Variants in SFTPD observed in about 807,000 individuals in gnomAD.
SFTPD encodes the protein surfactant protein D.
In SFTPD, 18 loss-of-function variants were observed where a neutral mutation model predicts 34.6. The observed-to-expected ratio is 0.52, with a 90% CI of 0.36 to 0.77. The LOEUF (loss-of-function observed/expected upper bound fraction) is 0.77, where lower values mean the gene tolerates loss of function less well. SFTPD is among the 30% of genes least tolerant of loss of function. The pLI, the probability that SFTPD is intolerant of heterozygous loss-of-function variation, is 0.00. For missense variants in SFTPD, 433 were observed against 468.9 expected (o/e 0.92, Z 0.71); for synonymous variants, 155 against 180.9 (o/e 0.86, Z 1.15).
upstream of SFTPD, chr10:79,950,166 A>G (rs1002066260): frequency 6.6e-6 from 1 of 152,264 alleles, no homozygotes; most frequent in Non-Finnish European, 1.5e-5. Flanking sequence ...TTTAAGTGGA[A>G]CATTTACTCC....
At chr10:79,971,295 A>G (rs1464896159) in intron 1 of SFTPD, 2 of 152,168 alleles carry the variant, frequency 1.3e-5, no homozygotes, top group Non-Finnish European at 2.9e-5. Flanking sequence ...ATCTCTGTTC[A>G]TCAGAAATAC....
chr10:79,938,310 C>T lies in SFTPD; in HGVS notation c.752-82G>A, dbSNP rs1365896298. The T allele has an allele frequency of 2.2e-6, 3 of 1,336,314 alleles. No individual in the cohort carries two copies. The African/African-American group carries it at 4.4e-5, about 20-fold the overall frequency. 82.8% of individuals were successfully genotyped at this position (1,336,314 alleles called of 1,614,324 possible). ...GGCTGTGAGACCTCTGTGCTCCAAC[C>T]TGAGCCTTTCAGACCTCCCAAACAG... On this transcript the variant is annotated intron_variant, in intron 7 of 7. Transcript: ENST00000372292.
At chr10:79,980,156 C>T (rs935771881) in intron 1 of SFTPD, among the ~76,000 whole-genome samples, 1 of 152,164 alleles carries the variant, frequency 6.6e-6, no homozygotes, top group Non-Finnish European at 1.5e-5. Context: ...TTGGATGAGA[C>T]TCAGTACCTT....
At chr10:79,980,676 G>T (rs1311631662) in intron 1 of SFTPD, among the ~76,000 whole-genome samples, 1 of 152,202 alleles carries the variant, frequency 6.6e-6, no homozygotes, top group Non-Finnish European at 1.5e-5. Context: ...GAGACTGTCT[G>T]GTAATCCAGG....
intron 1 of SFTPD, among the ~76,000 whole-genome samples, chr10:79,978,678 G>T (rs970361334): frequency 2.3e-5 from 3 of 132,680 alleles, no homozygotes; most frequent in African/African-American, 8.2e-5. Flanking sequence ...AAAAAAAAAA[G>T]GTATAGAATG....
chr10:79,938,055 C>T lies in SFTPD; in HGVS notation c.925G>A (p.Glu309Lys), dbSNP rs4469829. 12,041 of 1,614,052 alleles carry T rather than the reference C, an allele frequency of 7.5e-3. 620 individuals are homozygous for T. The African/African-American group carries it at 0.13, about 17-fold the overall frequency. ...TCAGTCATGCTCAGGAAAGCAGCCT[C>T]GTTCTTAGCTACGACCAGCTGTTGC... ...ALQQLVVAKN[E>K]AAFLSMTDSK... The change falls in exon 8 of 8, where the codon GAG becomes AAG. Residue 309 changes from glutamate (E) to lysine (K), a missense_variant. Physicochemically the swap from Glu to Lys is moderately conservative, Grantham distance 56. Coordinates refer to ENST00000372292, the MANE Select transcript of SFTPD (RefSeq NM_003019.5).
rs200238274 is a variant in SFTPD, at chr10:79,965,311, T to C, written c.36+17264A>G. ...GTTTCTCAATTCATCCAAAACCATA[T>C]CCAGGCCATCACCAATCATTCTATA... is the stretch of plus-strand genomic sequence containing the variant. On this transcript the variant is annotated intron_variant, in intron 1 of 5. Transcript: ENST00000444384. Among the ~76,000 whole-genome samples the C allele has an allele frequency of 2.6e-5, 4 of 152,206 alleles. No individual in the cohort carries two copies. The East Asian group carries it at 5.8e-4, about 22-fold the overall frequency.
intron 2 of SFTPD, among the ~76,000 whole-genome samples, chr10:79,943,472 C>T (rs1381398552): frequency 1.3e-5 from 2 of 152,106 alleles, no homozygotes; most frequent in Non-Finnish European, 2.9e-5. Flanking sequence ...CGTCCCCACC[C>T]CAGCACTCAC....
intron 1 of SFTPD, among the ~76,000 whole-genome samples, chr10:79,948,649 G>A (rs1483005730): frequency 1.3e-5 from 2 of 152,204 alleles, no homozygotes; most frequent in Non-Finnish European, 1.5e-5. Context: ...TCCACAGGCT[G>A]TTGGCACCAG....
At chr10:79,964,803 A>C (rs1422796323) in intron 1 of SFTPD, among the ~76,000 whole-genome samples, 3 of 152,138 alleles carry the variant, frequency 2.0e-5, no homozygotes, top group African/African-American at 7.2e-5. Context: ...CTTTACTCAC[A>C]TGCCTTGAGT....
chr10:79,958,609 A>G (rs974457298), intron 1 of SFTPD, among the ~76,000 whole-genome samples: 6 of 152,188 alleles, frequency 3.9e-5, no homozygotes, highest in African/African-American at 1.4e-4. Context: ...CTAAATATAT[A>G]CGCACCCAAT....
intron 1 of SFTPD, among the ~76,000 whole-genome samples, chr10:79,975,037 A>G (rs1462356875): frequency 6.6e-6 from 1 of 151,784 alleles, no homozygotes; most frequent in Non-Finnish European, 1.5e-5. Context: ...TGTAGCTATA[A>G]TATTTCCCTG....
chr10:79,974,551 T>TA (rs149544404), intron 1 of SFTPD, among the ~76,000 whole-genome samples: 2,887 of 152,216 alleles, frequency 0.019, 102 homozygotes, highest in African/African-American at 0.066. Context: ...TCTGGTTCAT[T>TA]AAAAAAATCT....
rs3088308 is a variant in SFTPD, at chr10:79,938,112, A to T, written c.868T>A (p.Ser290Thr). 0.076 allele frequency: 123,194 copies of T among 1,613,952 alleles called. 6,297 individuals carry two copies. The highest frequency in any genetic ancestry group is 0.22 in the Admixed American group (13,044 of 60,008). ...GCATTCTCAGCGGCAGAGCGTGGAGAGGCCAACTGTCCACCAGCCTGTGTG... is the reference window on the plus strand; with the variant it reads ...GCATTCTCAGCGGCAGAGCGTGGAGTGGCCAACTGTCCACCAGCCTGTGTG... ...LCTQAGGQLA[S>T]PRSAAENAAL... is the part of the protein sequence containing the mutation. The change falls in exon 8 of 8, where the codon TCT becomes ACT. Residue 290 changes from serine to threonine, a missense_variant. Coordinates refer to ENST00000372292, the MANE Select transcript of SFTPD (RefSeq NM_003019.5).
rs1409583968 is a variant in SFTPD at position 79,938,245 on chromosome 10, G to A, written c.752-17C>T. On this transcript the variant is annotated splice_polypyrimidine_tract_variant and intron_variant, in intron 7 of 7. Coordinates refer to ENST00000372292, the MANE Select transcript of SFTPD (RefSeq NM_003019.5). The stretch of plus-strand genomic sequence containing the variant: ...AGAGCTCAACTAGGAGAAGAAGAAA[G>A]TCAGGTTGGGGTTGTGGCATCACCT... The A allele has an allele frequency of 1.5e-6, 2 of 1,319,624 alleles. No individual in the cohort carries two copies. The highest frequency in any genetic ancestry group is 1.9e-5 in the Admixed American group (1 of 52,010). 81.7% of individuals were successfully genotyped at this position (1,319,624 alleles called of 1,614,324 possible). A position where few individuals can be genotyped will look rare whatever the true frequency, so the allele number is the denominator to read the frequency against.
intron 1 of SFTPD, among the ~76,000 whole-genome samples, chr10:79,960,874 C>A (rs1371087610): frequency 6.6e-6 from 1 of 152,192 alleles, no homozygotes; most frequent in Non-Finnish European, 1.5e-5. Flanking sequence ...CTGGAGGCAT[C>A]ATGCTACCTG....
intron 1 of SFTPD, chr10:79,971,821 C>A (rs975028607): frequency 6.6e-6 from 1 of 152,014 alleles, no homozygotes; most frequent in Admixed American, 6.6e-5. Context: ...TGGAATTGAC[C>A]GTTTTGGGTT....
chr10:79,942,500 A>G lies in SFTPD; in HGVS notation c.321T>C (p.Pro107=). 1 of 1,607,624 alleles carries G rather than the reference A, an allele frequency of 6.2e-7. No individual in the cohort carries two copies. Residue 107 remains proline, a synonymous_variant, in exon 4 of 8, where the codon CCT becomes CCC. Coordinates refer to ENST00000372292, the MANE Select transcript of SFTPD (RefSeq NM_003019.5). ...GACCAGGCACACCGGGAGGTCCTGG[A>G]GGTCCTGAGCAAAAGCACCAGCCCG... ...GPKGDTGPSG[P]PGPPGVPGPA...
At chr10:79,947,126 T>C (rs890483925) in intron 1 of SFTPD, among the ~76,000 whole-genome samples, 3 of 152,282 alleles carry the variant, frequency 2.0e-5, no homozygotes, top group Non-Finnish European at 4.4e-5. Flanking sequence ...TTCTTCTCTC[T>C]TGCTGCCTTG....
Sources: gnomAD v4.1 joint callset for allele counts (sites outside exome capture counted in the v4.1 genomes callset) on GRCh38, gnomAD v4.1.1 for gene constraint, MANE v1.5 for transcripts, NCBI Gene and HGNC (gene_info 2026-07-23, HGNC 2026-07-21) for gene names.